PAX7: variants seen among roughly 807,000 people sequenced by gnomAD.
PAX7 encodes the protein paired box protein Pax-7.
Under a neutral mutation model 50.7 loss-of-function variants are expected in PAX7, and 18 were observed. That is an observed-to-expected ratio of 0.36 (90% CI 0.25 to 0.53). The LOEUF (loss-of-function observed/expected upper bound fraction) is 0.53. Among genes scored for constraint, PAX7 ranks in the 20% least tolerant of loss-of-function variants. PAX7 has a pLI of 0.93. For missense variants in PAX7, 644 were observed against 702.9 expected (o/e 0.92, Z 0.95); for synonymous variants, 310 against 290.4 (o/e 1.07, Z -0.69).
rs2089698881 is a variant in PAX7, at chr1:18,735,547, AG to A, written c.1156-82del. The A allele has an allele frequency of 3.3e-6, 5 of 1,537,958 alleles. No homozygotes were observed. Among genetic ancestry groups the A allele is most frequent in the South Asian group, 1.3e-5 (1 of 79,782 alleles). On this transcript the variant is annotated intron_variant, in intron 7 of 8. Transcript: ENST00000420770. This position sits in a 1 kb window ranked among gnomAD's most constrained non-coding sequence, Gnocchi z 4.0. ...GAACAACTCTGGCAAAGAGTGTTCC[AG>A]GGCCAGCCTGGCATTGTGCCCAGTG...
chr1:18,684,639 C>T (rs966701576), intron 4 of PAX7, among the ~76,000 whole-genome samples: 1 of 152,230 alleles, frequency 6.6e-6, no homozygotes, highest in Non-Finnish European at 1.5e-5. Context: ...AGACCTGCGC[C>T]CAGGCCTGTT....
intron 4 of PAX7, among the ~76,000 whole-genome samples, chr1:18,673,963 G>A (rs974900708): frequency 6.6e-6 from 1 of 152,228 alleles, no homozygotes; most frequent in African/African-American, 2.4e-5. Flanking sequence ...TTCCAGCGTG[G>A]GGCCAGGTGT....
chr1:18,676,836 G>A (rs1187368502), intron 4 of PAX7, among the ~76,000 whole-genome samples: 1 of 152,204 alleles, frequency 6.6e-6, no homozygotes, highest in African/African-American at 2.4e-5. Flanking sequence ...GAACCCTGAA[G>A]GTGGAGTTTA....
intron 1 of PAX7, 63 bp downstream of exon 1, chr1:18,631,751 G>C (rs1323454395): frequency 7.4e-7 from 1 of 1,351,862 alleles, no homozygotes. Context: ...TCCTTGGAGA[G>C]GCTGCGGTCT....
chr1:18,723,746 T>C (rs1217449320), intron 7 of PAX7, among the ~76,000 whole-genome samples: 1 of 152,204 alleles, frequency 6.6e-6, no homozygotes, highest in Non-Finnish European at 1.5e-5. Flanking sequence ...TCTTTTTCCC[T>C]TCCATTTTTA....
chr1:18,706,458 CTCTT>C (rs2089284388), intron 7 of PAX7, among the ~76,000 whole-genome samples: 3 of 135,066 alleles, frequency 2.2e-5, no homozygotes, highest in African/African-American at 5.6e-5. Flanking sequence ...CTCTCTCTCT[CTCTT>C]TTTTTTTTTT....
At chr1:18,682,831 G>C (rs1274866530) in intron 4 of PAX7, among the ~76,000 whole-genome samples, 1 of 152,152 alleles carries the variant, frequency 6.6e-6, no homozygotes, top group East Asian at 1.9e-4. Flanking sequence ...GCAGGACCTA[G>C]GGAGTTGATG....
chr1:18,641,571 A>G (rs533186301), intron 4 of PAX7, among the ~76,000 whole-genome samples: 99 of 152,378 alleles, frequency 6.5e-4, no homozygotes, highest in African/African-American at 2.3e-3. Flanking sequence ...GCACCGCCAC[A>G]CTTGGGCTGT....
Position 18,703,175 on chromosome 1 carries a change from C to T in PAX7, c.1034C>T (p.Ala345Val), listed in dbSNP as rs1289835872. The T allele has an allele frequency of 6.2e-7, 1 of 1,612,656 alleles. No homozygotes were observed. The highest frequency in any genetic ancestry group is 1.1e-5 in the South Asian group (1 of 91,072). ...GGCGGGCTGGCTGCAGCGGCTGCAGCCGCCGACACCAGCTCTGCCTACGGA... is the reference window on the plus strand; with the variant it reads ...GGCGGGCTGGCTGCAGCGGCTGCAGTCGCCGACACCAGCTCTGCCTACGGA... Reference protein sequence around the residue: ...HQGGLAAAAAAADTSSAYGAR... With the variant: ...HQGGLAAAAAVADTSSAYGAR... Residue 345 changes from alanine to valine, a missense_variant, in exon 7 of 9, where the codon GCC (alanine) becomes GTC (valine). Physicochemically the swap from Ala to Val is moderately conservative, Grantham distance 64. Transcript: ENST00000420770.
Position 18,631,072 on chromosome 1 carries a change from G to A in PAX7, c.-532G>A. 4.4e-6 allele frequency: 1 copy of A among 229,636 alleles called. No individual in the cohort carries two copies. Among genetic ancestry groups the A allele is most frequent in the Non-Finnish European group, 8.6e-6 (1 of 115,736 alleles). 14.2% of individuals were successfully genotyped at this position (229,636 alleles called of 1,614,324 possible). Reference sequence around the variant, plus strand: ...AGAAGGCGTGGAGAAGAGGGAGGGAGCGAGAGCGAGAGAATAAATATATAA... The same window carrying A: ...AGAAGGCGTGGAGAAGAGGGAGGGAACGAGAGCGAGAGAATAAATATATAA... On this transcript the variant is annotated 5_prime_UTR_variant, in exon 1 of 9. Transcript: ENST00000420770.
intron 4 of PAX7, among the ~76,000 whole-genome samples, chr1:18,639,304 C>T (rs2088210338): frequency 6.6e-6 from 1 of 152,122 alleles, no homozygotes; most frequent in Non-Finnish European, 1.5e-5. Context: ...GGTTTTAAAG[C>T]AGATTAAATT....
rs3791029 is a variant in PAX7, at chr1:18,677,592, G to C, written c.587-14162G>C. ...AGTTTTCCTGGGAGGCCTATTTGAA[G>C]GAAGATAGAAATGTGGGGATAGACG... On this transcript the variant is annotated intron_variant, in intron 4 of 8. Transcript: ENST00000420770. Among the ~76,000 whole-genome samples the C allele has an allele frequency of 5.9e-5, 9 of 152,274 alleles. No individual in the cohort carries two copies. In the East Asian group the frequency reaches 1.7e-3, roughly 29 times the overall value.
At chr1:18,693,370 C>G (rs1025740658) in intron 5 of PAX7, among the ~76,000 whole-genome samples, 5 of 152,180 alleles carry the variant, frequency 3.3e-5, no homozygotes, top group Non-Finnish European at 7.3e-5. Context: ...CCCCTGCAAG[C>G]CACGGGTGCA....
chr1:18,688,957 C>A (rs1392002166), intron 4 of PAX7, among the ~76,000 whole-genome samples: 1 of 152,182 alleles, frequency 6.6e-6, no homozygotes, highest in South Asian at 2.1e-4. Flanking sequence ...CTAGGATTTC[C>A]CCCAGGACAA....
At chr1:18,661,372 C>T in intron 4 of PAX7, among the ~76,000 whole-genome samples, 1 of 152,164 alleles carries the variant, frequency 6.6e-6, no homozygotes, top group East Asian at 1.9e-4. Context: ...TTTCTGATCT[C>T]TCCTCCCACC....
At chr1:18,741,880 T>G (rs1193391690) in intron 8 of PAX7, among the ~76,000 whole-genome samples, 1 of 152,234 alleles carries the variant, frequency 6.6e-6, no homozygotes, top group Non-Finnish European at 1.5e-5. Flanking sequence ...CAGGGGTGGC[T>G]GGGATCCAGG....
chr1:18,738,080 T>C (rs1032086614), intron 8 of PAX7, among the ~76,000 whole-genome samples: 3 of 152,174 alleles, frequency 2.0e-5, no homozygotes, highest in Non-Finnish European at 4.4e-5. Context: ...TAGGTGTGGC[T>C]GTGTGTACAT....
intron 5 of PAX7, among the ~76,000 whole-genome samples, chr1:18,692,751 A>T (rs2089091202): frequency 6.6e-6 from 1 of 152,200 alleles, no homozygotes; most frequent in South Asian, 2.1e-4. Flanking sequence ...AGTTCCTGGC[A>T]GGTTAGATGC....
In PAX7 at chr1:18,635,029, G is replaced by T. The variant is rs956896288; in HGVS notation, c.322-82G>T. ...ACCAGAACCACCAGCCTGGTCTGGG[G>T]CTCTTAAGAGGTGATATTAAAAGTA... On this transcript the variant is annotated intron_variant, in intron 2 of 8. Coordinates refer to ENST00000420770, the MANE Select transcript of PAX7 (RefSeq NM_001135254.2). The T allele has an allele frequency of 3.9e-6, 6 of 1,523,764 alleles. No homozygotes were observed. The African/African-American group carries it at 6.8e-5, about 17-fold the overall frequency. 94.4% of individuals were successfully genotyped at this position (1,523,764 alleles called of 1,614,324 possible).
Sources: allele counts gnomAD v4.1 joint callset (sites outside exome capture counted in the v4.1 genomes callset), GRCh38; gene constraint gnomAD v4.1.1; non-coding constraint Gnocchi (gnomAD v3.1); transcripts MANE v1.5; gene names NCBI Gene and HGNC (gene_info 2026-07-23, HGNC 2026-07-21).